MCU: variants seen among roughly 807,000 people sequenced by gnomAD.
The protein encoded by MCU is calcium uniporter protein, mitochondrial.
A neutral mutation model predicts 45.2 loss-of-function variants in MCU; 12 were observed. The ratio of observed to expected loss-of-function variants is 0.27; its 90% CI spans 0.17 to 0.43. The LOEUF (loss-of-function observed/expected upper bound fraction) is 0.43. Among genes scored for constraint, MCU ranks in the 20% least tolerant of loss-of-function variants. The pLI, the probability that MCU is intolerant of heterozygous loss-of-function variation, is 1.00. For synonymous variants in MCU, 160 were observed against 165.1 expected (o/e 0.97, Z 0.24); for missense variants, 324 against 436.7 (o/e 0.74, Z 2.30).
At chr10:72,767,049 A>G (rs1843737618) in intron 1 of MCU, 3 of 152,336 alleles carry the variant, frequency 2.0e-5, no homozygotes, top group African/African-American at 4.8e-5. Flanking sequence ...TTATCATTCT[A>G]TAAGTTCCCT....
chr10:72,767,086 TTC>T (rs1467071986), intron 1 of MCU: 1 of 152,230 alleles, frequency 6.6e-6, no homozygotes, highest in Non-Finnish European at 1.5e-5. Context: ...GTTACCTGTC[TTC>T]TGTCATTAAA....
In MCU at chr10:72,886,435, C is replaced by G. The variant is rs976129417; in HGVS notation, c.*613C>G. On this transcript the variant is annotated 3_prime_UTR_variant, in exon 8 of 8. Transcript: ENST00000373053. ...ACTTATAACTGTTTAATAATTGACA[C>G]TTTAGATTATCTCTTAATACCTTCT... The G allele has an allele frequency of 2.0e-5, 3 of 152,352 alleles. No homozygotes were observed. The highest frequency in any genetic ancestry group is 7.2e-5 in the African/African-American group (3 of 41,430). The allele number at this position is 152,352 out of a possible 1,614,324, so 9.4% of individuals were successfully genotyped here.
At chr10:72,772,703 A>G (rs1183611624) in intron 1 of MCU, among the ~76,000 whole-genome samples, 1 of 152,232 alleles carries the variant, frequency 6.6e-6, no homozygotes, top group Non-Finnish European at 1.5e-5. Context: ...CTGTCTCAAA[A>G]CAAAACAAAA....
intron 1 of MCU, chr10:72,715,091 A>G (rs1182659716): frequency 6.0e-6 from 5 of 835,956 alleles, no homozygotes; most frequent in Non-Finnish European, 7.2e-6. Flanking sequence ...CATTTACTTT[A>G]CTTTTTTCTA....
chr10:72,699,470 G>C (rs1842729498), intron 1 of MCU, among the ~76,000 whole-genome samples: 1 of 151,850 alleles, frequency 6.6e-6, no homozygotes, highest in Admixed American at 6.6e-5. Context: ...TCATGCCACT[G>C]CACTCCAGCC....
At chr10:72,738,047 TGGA>T (rs1843275345) in intron 1 of MCU, among the ~76,000 whole-genome samples, 1 of 152,168 alleles carries the variant, frequency 6.6e-6, no homozygotes, top group Non-Finnish European at 1.5e-5. Context: ...TTAATGTAGC[TGGA>T]TAAATATTTT....
intron 1 of MCU, among the ~76,000 whole-genome samples, chr10:72,773,781 CT>C (rs1441136812): frequency 6.6e-6 from 1 of 152,168 alleles, no homozygotes; most frequent in Non-Finnish European, 1.5e-5. Context: ...TGGCAACAGA[CT>C]TCTCAGTGGA....
intron 1 of MCU, among the ~76,000 whole-genome samples, chr10:72,743,271 G>A (rs905470410): frequency 7.2e-5 from 11 of 151,834 alleles, no homozygotes; most frequent in Non-Finnish European, 1.5e-4. Context: ...ATAAATGCTA[G>A]GCATGGTGGC....
intron 1 of MCU, among the ~76,000 whole-genome samples, chr10:72,739,006 A>T (rs946329482): frequency 3.3e-5 from 5 of 152,216 alleles, no homozygotes; most frequent in Admixed American, 3.3e-4. Flanking sequence ...CTAGAGCCAA[A>T]AACATATTTG....
rs1365091537 is a variant in MCU, at chr10:72,785,705, C to T, written c.151-48654C>T. On this transcript the variant is annotated intron_variant, in intron 1 of 7. Coordinates refer to ENST00000373053, the MANE Select transcript of MCU (RefSeq NM_138357.3). ...TCTGTAACTTGTATCTGTAGTAAGA[C>T]CCTTACAAGGGCTGCAATTTTCATC... 3.9e-5 allele frequency among the ~76,000 whole-genome samples: 6 copies of T among 152,274 alleles called. No individual in the cohort carries two copies. In the East Asian group the frequency reaches 1.2e-3, roughly 29 times the overall value.
intron 1 of MCU, chr10:72,716,014 C>T (rs149097922): frequency 2.2e-4 from 81 of 374,114 alleles, no homozygotes; most frequent in African/African-American, 1.7e-3. Context: ...ATTTTTCTGC[C>T]CCCTGTTACT....
intron 1 of MCU, among the ~76,000 whole-genome samples, chr10:72,793,903 T>C (rs569535002): frequency 6.6e-6 from 1 of 152,334 alleles, no homozygotes; most frequent in African/African-American, 2.4e-5. Context: ...GAATAACAGC[T>C]TGATCATACT....
chr10:72,749,308 G>C (rs1391163896), intron 1 of MCU, among the ~76,000 whole-genome samples: 1 of 152,054 alleles, frequency 6.6e-6, no homozygotes, highest in Non-Finnish European at 1.5e-5. Flanking sequence ...ACCAACTTGA[G>C]AATGGTGACA....
rs189706311 is a variant in MCU at position 72,713,430 on chromosome 10, C to G, written c.150+21129C>G. Among the ~76,000 whole-genome samples, 182 of 152,272 alleles carry G rather than the reference C, an allele frequency of 1.2e-3. 1 individual carries two copies. The highest frequency in any genetic ancestry group is 3.4e-3 in the Middle Eastern group (1 of 294). On this transcript the variant is annotated intron_variant, in intron 1 of 7. Coordinates refer to ENST00000373053, the MANE Select transcript of MCU (RefSeq NM_138357.3). ...GAGTAGCTGGGATTACAGGTGCCTG[C>G]CACCAGGCCCGGCTAGTTTTAGTAT...
intron 1 of MCU, among the ~76,000 whole-genome samples, chr10:72,707,829 T>A (rs1402125671): frequency 6.6e-6 from 1 of 152,128 alleles, no homozygotes; most frequent in East Asian, 1.9e-4. Context: ...CCTAAAGGGC[T>A]TTTAATTTTT....
chr10:72,749,730 G>A (rs1843466474), intron 1 of MCU, among the ~76,000 whole-genome samples: 1 of 152,034 alleles, frequency 6.6e-6, no homozygotes, highest in Non-Finnish European at 1.5e-5. Flanking sequence ...TGGGACATAT[G>A]GTCACCCTAG....
Position 72,738,939 on chromosome 10 carries a change from G to A in MCU, c.150+46638G>A, listed in dbSNP as rs143067128. ...GTCAAAATGCTCGGTTTTTTTTAAG[G>A]CTTCAACTCTTTTGTTTTTACTATT... On this transcript the variant is annotated intron_variant, in intron 1 of 7. Coordinates refer to ENST00000373053, the MANE Select transcript of MCU (RefSeq NM_138357.3). Among the ~76,000 whole-genome samples, 868 of 152,042 alleles carry A rather than the reference G, an allele frequency of 5.7e-3. 11 individuals carry two copies. The highest frequency in any genetic ancestry group is 0.02 in the African/African-American group (816 of 41,460).
At chr10:72,840,979 A>G (rs535243428) in intron 2 of MCU, among the ~76,000 whole-genome samples, 1 of 152,208 alleles carries the variant, frequency 6.6e-6, no homozygotes, top group Non-Finnish European at 1.5e-5. Context: ...ACAGTGAACT[A>G]CTTCGCTTGG....
intron 1 of MCU, among the ~76,000 whole-genome samples, chr10:72,815,223 A>G (rs1844607703): frequency 6.6e-6 from 1 of 152,258 alleles, no homozygotes; most frequent in Non-Finnish European, 1.5e-5. Context: ...TACACACTAT[A>G]TATGGCTGTG....
Sources: gnomAD v4.1 joint callset for allele counts (sites outside exome capture counted in the v4.1 genomes callset) on GRCh38, gnomAD v4.1.1 for gene constraint, MANE v1.5 for transcripts, NCBI Gene and HGNC (gene_info 2026-07-23, HGNC 2026-07-21) for gene names.